KCNMA1: variants seen among roughly 807,000 people sequenced by gnomAD.
The protein encoded by KCNMA1 is Calcium-activated potassium channel subunit alpha-1.
A neutral mutation model predicts 140.0 loss-of-function variants in KCNMA1; 29 were observed. The ratio of observed to expected loss-of-function variants is 0.21; its 90% confidence interval spans 0.15 to 0.28. KCNMA1 has a LOEUF of 0.28. KCNMA1 is among the 10% of genes least tolerant of loss of function. The pLI is 1.00. For missense variants in KCNMA1, 880 were observed against 1,602.2 expected, an observed-to-expected ratio of 0.55 and a Z score of 7.70; for synonymous variants, 612 against 611.9, an observed-to-expected ratio of 1.00 and a Z score of 0.00.
intron 3 of KCNMA1, among the ~76,000 whole-genome samples, chr10:77,205,992 A>G (rs2043984709): frequency 6.6e-6 from 1 of 152,216 alleles, no homozygotes. Flanking sequence ...GAATAATGGA[A>G]TGAATTAATG....
Position 77,076,784 on chromosome 10 carries a change from C to T in KCNMA1, c.1593+2697G>A, listed in dbSNP as rs192907895. Among the ~76,000 whole-genome samples, 229 of 152,246 alleles carry T rather than the reference C, an allele frequency of 1.5e-3. 1 individual carries two copies. The highest frequency in any genetic ancestry group is 2.2e-3 in the Non-Finnish European group (148 of 68,020). On this transcript the variant is annotated intron_variant, in intron 13 of 27. Transcript: ENST00000286628. ...ATTATGATGATGACAAACTCAGGGCCAGTTTTACATGGAGAGAAAGTAGGC... is the reference window on the plus strand; with the variant it reads ...ATTATGATGATGACAAACTCAGGGCTAGTTTTACATGGAGAGAAAGTAGGC...
chr10:77,037,699 A>G (rs1275016889), intron 15 of KCNMA1, among the ~76,000 whole-genome samples: 1 of 152,166 alleles, frequency 6.6e-6, no homozygotes, highest in Non-Finnish European at 1.5e-5. Flanking sequence ...ACCCTCACCA[A>G]CATAAGACTC....
At chr10:77,629,960 C>T (rs2092992791) in intron 1 of KCNMA1, among the ~76,000 whole-genome samples, 2 of 152,202 alleles carry the variant, frequency 1.3e-5, no homozygotes, top group African/African-American at 4.8e-5. Context: ...AAGTCCCTGA[C>T]AGTGTGAGCT....
chr10:76,998,997 C>T (rs888533350), intron 19 of KCNMA1, among the ~76,000 whole-genome samples: 1 of 152,174 alleles, frequency 6.6e-6, no homozygotes, highest in Non-Finnish European at 1.5e-5. Context: ...GAAGGCAAAT[C>T]GCCCCCTGAG....
intron 1 of KCNMA1, among the ~76,000 whole-genome samples, chr10:77,465,379 C>G (rs533769201): frequency 3.3e-4 from 50 of 152,274 alleles, no homozygotes; most frequent in Non-Finnish European, 6.3e-4. Flanking sequence ...CCTTCTGGCT[C>G]CAGGATGGCA....
chr10:77,499,403 G>GTA (rs71028280), intron 1 of KCNMA1, among the ~76,000 whole-genome samples: 1,576 of 142,402 alleles, frequency 0.011, 22 homozygotes, highest in South Asian at 0.037. Flanking sequence ...CAGTAGGCAT[G>GTA]TATATATATA....
intron 2 of KCNMA1, chr10:77,376,423 T>C (rs532125465): frequency 6.6e-6 from 1 of 152,210 alleles, no homozygotes; most frequent in South Asian, 2.1e-4. Context: ...GTTTATTTTA[T>C]CCCAGGAGTC....
intron 1 of KCNMA1, among the ~76,000 whole-genome samples, chr10:77,525,458 C>A (rs2055228332): frequency 6.6e-6 from 1 of 152,144 alleles, no homozygotes; most frequent in South Asian, 2.1e-4. Flanking sequence ...AAATGACAGG[C>A]CCTACAAGTA....
chr10:77,044,319 T>C (rs1040112387), intron 14 of KCNMA1, among the ~76,000 whole-genome samples: 1 of 152,114 alleles, frequency 6.6e-6, no homozygotes, highest in African/African-American at 2.4e-5. Context: ...AAAGTGTACA[T>C]TTCTCATACA....
intron 6 of KCNMA1, among the ~76,000 whole-genome samples, chr10:77,119,470 C>T (rs1197918101): frequency 6.6e-6 from 1 of 152,156 alleles, no homozygotes; most frequent in African/African-American, 2.4e-5. Flanking sequence ...AAGGACAAGG[C>T]TCTATGCTTG....
intron 5 of KCNMA1, among the ~76,000 whole-genome samples, chr10:77,158,689 G>A (rs1385660465): frequency 1.3e-5 from 2 of 152,138 alleles, no homozygotes; most frequent in Non-Finnish European, 2.9e-5. Flanking sequence ...TGTTTCATAG[G>A]GAGGAAGGTT....
At chr10:77,562,297 A>G (rs1320086086) in intron 1 of KCNMA1, among the ~76,000 whole-genome samples, 7 of 152,192 alleles carry the variant, frequency 4.6e-5, no homozygotes, top group African/African-American at 1.7e-4. Flanking sequence ...GATTTTTTTT[A>G]GTAAGCACCT....
intron 3 of KCNMA1, among the ~76,000 whole-genome samples, chr10:77,189,827 T>C (rs1444838285): frequency 6.6e-6 from 1 of 152,156 alleles, no homozygotes; most frequent in Non-Finnish European, 1.5e-5. Flanking sequence ...CTAATGATTC[T>C]AGACTCTTTT....
At chr10:77,438,324 T>C (rs1460918066) in intron 1 of KCNMA1, among the ~76,000 whole-genome samples, 1 of 152,150 alleles carries the variant, frequency 6.6e-6, no homozygotes, top group Non-Finnish European at 1.5e-5. Flanking sequence ...TCCAACACTT[T>C]GGGAGGCCAA....
At chr10:77,506,840 A>AGTGT (rs67309788) in intron 1 of KCNMA1, among the ~76,000 whole-genome samples, 61 of 120,954 alleles carry the variant, frequency 5.0e-4, no homozygotes, top group Middle Eastern at 5.2e-3. Context: ...AGAGAGAGAG[A>AGTGT]GTGTGTGTGT....
At chr10:77,176,711 G>A (rs2098754150) in intron 5 of KCNMA1, among the ~76,000 whole-genome samples, 1 of 152,180 alleles carries the variant, frequency 6.6e-6, no homozygotes, top group Non-Finnish European at 1.5e-5. Flanking sequence ...CAACCCCTCA[G>A]AGCCTCAGAT....
chr10:76,910,234 T>A, intron 24 of KCNMA1, 138 bp from the exon 25 acceptor site: 3 of 937,114 alleles, frequency 3.2e-6, no homozygotes, highest in Non-Finnish European at 3.3e-6. Flanking sequence ...TGTAGATGGA[T>A]CTTTGGGTAA....
intron 2 of KCNMA1, among the ~76,000 whole-genome samples, chr10:77,305,041 G>A (rs988251601): frequency 4.6e-5 from 7 of 152,216 alleles, no homozygotes; most frequent in Non-Finnish European, 8.8e-5. Flanking sequence ...GGCTGAACCT[G>A]AGAATCTACA....
At position 76,877,945 on chromosome 10, in the gene KCNMA1, A is replaced by T. The variant is rs2032746847; in HGVS notation, c.3428-55T>A. The T allele has an allele frequency of 5.8e-6, 9 of 1,543,874 alleles. No individual in the cohort carries two copies. The Middle Eastern group carries it at 6.7e-4, about 115-fold the overall frequency. On this transcript the variant is annotated intron_variant, in intron 29 of 29. Transcript: ENST00000372403. ...AGAAGGAGAAATGAGAAGTTTAATT[A>T]GTCCTAGGGTAAAGCCTTTGGAAAG...
Sources: gnomAD v4.1 joint callset for allele counts (sites outside exome capture counted in the v4.1 genomes callset) on GRCh38, gnomAD v4.1.1 for gene constraint, MANE v1.5 for transcripts, NCBI Gene and HGNC (gene_info 2026-07-23, HGNC 2026-07-21) for gene names.